Variants in IL12RB2 observed in about 807,000 individuals in gnomAD.
The protein encoded by IL12RB2 is interleukin-12 receptor subunit beta-2.
Under a neutral mutation model 89.4 loss-of-function variants are expected in IL12RB2, and 82 were observed. The observed-to-expected ratio is 0.92, with a 90% CI of 0.77 to 1.10. IL12RB2 has a LOEUF of 1.10. Ranked by LOEUF, IL12RB2 falls within the 50% of genes least tolerant of loss-of-function variation. The pLI, the probability that IL12RB2 is intolerant of heterozygous loss-of-function variation, is 0.00. For missense variants in IL12RB2, 963 were observed against 1,031.9 expected, an observed-to-expected ratio of 0.93 and a Z score of 0.92; for synonymous variants, 368 against 370.1, an observed-to-expected ratio of 0.99 and a Z score of 0.07.
At chr1:67,389,477 T>C (rs1665580060) in intron 15 of IL12RB2, among the ~76,000 whole-genome samples, 1 of 152,250 alleles carries the variant, frequency 6.6e-6, no homozygotes, top group Admixed American at 6.5e-5. Flanking sequence ...ATAAAAGACC[T>C]GTATTTCCTC....
chr1:67,380,886 G>A (rs1664498771), intron 14 of IL12RB2, among the ~76,000 whole-genome samples: 1 of 152,072 alleles, frequency 6.6e-6, no homozygotes, highest in Admixed American at 6.5e-5. Flanking sequence ...ATTGGATTAG[G>A]GGCCCACTCT....
upstream of IL12RB2, chr1:67,307,869 C>A (rs1489331124): frequency 6.6e-6 from 1 of 152,088 alleles, no homozygotes; most frequent in African/African-American, 2.4e-5. Context: ...GCCCGAGCGC[C>A]GGCAGAGAGC....
intron 1 of IL12RB2, among the ~76,000 whole-genome samples, chr1:67,308,618 C>G (rs1654602242): frequency 4.6e-5 from 7 of 152,160 alleles, no homozygotes; most frequent in Admixed American, 4.6e-4. Flanking sequence ...CTCCTCATCT[C>G]CCTAGGACAC....
chr1:67,376,642 C>T (rs1325404398), intron 13 of IL12RB2, among the ~76,000 whole-genome samples: 1 of 152,126 alleles, frequency 6.6e-6, no homozygotes, highest in East Asian at 1.9e-4. Context: ...CTGCTGACAC[C>T]ATCATCTTCC....
chr1:67,339,225 G>A (rs577152689), intron 9 of IL12RB2, among the ~76,000 whole-genome samples: 163 of 152,280 alleles, frequency 1.1e-3, no homozygotes, highest in African/African-American at 3.8e-3. Context: ...AGTGGCTCAC[G>A]CCTGTAATCC....
At chr1:67,380,823 C>A (rs1006008536) in intron 14 of IL12RB2, among the ~76,000 whole-genome samples, 3 of 152,306 alleles carry the variant, frequency 2.0e-5, no homozygotes, top group East Asian at 1.9e-4. Flanking sequence ...CTGCTTTCAT[C>A]TGGCATTCTC....
intron 6 of IL12RB2, among the ~76,000 whole-genome samples, chr1:67,329,284 T>C (rs987875657): frequency 5.3e-5 from 8 of 152,188 alleles, no homozygotes; most frequent in African/African-American, 1.2e-4. Flanking sequence ...GTTTGGCACA[T>C]TGGTTTTTGA....
chr1:67,373,822 C>T (rs1464436206), intron 13 of IL12RB2, among the ~76,000 whole-genome samples: 3 of 152,182 alleles, frequency 2.0e-5, no homozygotes, highest in Non-Finnish European at 4.4e-5. Flanking sequence ...AACAATGCAA[C>T]AAAGCCACCC....
At chr1:67,335,548 T>G (rs4655702) in intron 8 of IL12RB2, among the ~76,000 whole-genome samples, 102,209 of 152,094 alleles carry the variant, frequency 0.67, 35,833 homozygotes, top group Non-Finnish European at 0.77. Context: ...AGACAAAGTA[T>G]TTTCATCTGA....
At chr1:67,384,863 A>G (rs1664974109) in intron 14 of IL12RB2, among the ~76,000 whole-genome samples, 2 of 152,162 alleles carry the variant, frequency 1.3e-5, no homozygotes, top group South Asian at 4.1e-4. Flanking sequence ...TCTCAACTTC[A>G]TTGTCCACAT....
chr1:67,367,483 GGAAGCAAA>G (rs1003537319), intron 10 of IL12RB2, among the ~76,000 whole-genome samples: 2 of 138,470 alleles, frequency 1.4e-5, no homozygotes, highest in African/African-American at 2.7e-5. Flanking sequence ...AAGGAAGGAA[GGAAGCAAA>G]GAAGGAAGGA....
chr1:67,356,591 A>C (rs1409444001), intron 10 of IL12RB2, among the ~76,000 whole-genome samples: 1 of 152,190 alleles, frequency 6.6e-6, no homozygotes, highest in African/African-American at 2.4e-5. Context: ...TGGAGGTACA[A>C]GTATGCCTAA....
At chr1:67,324,114 CGAG>C (rs1218933260) in intron 4 of IL12RB2, among the ~76,000 whole-genome samples, 1 of 152,040 alleles carries the variant, frequency 6.6e-6, no homozygotes, top group Non-Finnish European at 1.5e-5. Flanking sequence ...GGCTCAGTCA[CGAG>C]TAGTGTGTGT....
chr1:67,333,718 C>G (rs1473757427), intron 8 of IL12RB2, among the ~76,000 whole-genome samples: 1 of 152,146 alleles, frequency 6.6e-6, no homozygotes, highest in Non-Finnish European at 1.5e-5. Context: ...GATAGTGACA[C>G]TGGGAAGAGA....
chr1:67,389,295 T>C (rs1252501839), intron 15 of IL12RB2, among the ~76,000 whole-genome samples: 3 of 151,254 alleles, frequency 2.0e-5, no homozygotes. Context: ...CATGGCCACA[T>C]CTCTTACTTC....
At chr1:67,326,683 G>A (rs1274503650) in intron 4 of IL12RB2, 52 bp from the exon 5 acceptor site, 13 of 1,597,198 alleles carry the variant, frequency 8.1e-6, no homozygotes, top group South Asian at 6.7e-5. Context: ...ATAACAATTC[G>A]GTTGAAATAT....
At chr1:67,333,623 G>A (rs1241774607) in intron 8 of IL12RB2, among the ~76,000 whole-genome samples, 15 of 152,166 alleles carry the variant, frequency 9.9e-5, no homozygotes, top group East Asian at 3.9e-4. Context: ...TTAAATGACC[G>A]AAAAGTAAGG....
intron 1 of IL12RB2, among the ~76,000 whole-genome samples, chr1:67,308,300 G>A (rs1331497962): frequency 2.0e-5 from 3 of 151,954 alleles, no homozygotes; most frequent in Non-Finnish European, 4.4e-5. Context: ...GGGCTCAAAC[G>A]GAAGGGAGGG....
chr1:67,326,764 T>C lies in IL12RB2; in HGVS notation c.394T>C (p.Cys132Arg). 1 of 1,613,734 alleles carries C rather than the reference T, an allele frequency of 6.2e-7. No homozygotes were observed. Among genetic ancestry groups the C allele is most frequent in the Non-Finnish European group, 8.5e-7 (1 of 1,179,774 alleles). Residue 132 changes from cysteine to arginine, a missense_variant, in exon 5 of 17, where the codon TGC (cysteine) becomes CGC (arginine). Cys to Arg is a radical substitution (Grantham distance 180, BLOSUM62 -3). Transcript: ENST00000674203. ...TCCAGAACAGCCTCAAAATTTATCC[T>C]GCATACAGAAGGGAGAACAGGGGAC... ...VAPEQPQNLS[C>R]IQKGEQGTVA...
Sources: allele counts gnomAD v4.1 joint callset (sites outside exome capture counted in the v4.1 genomes callset), GRCh38; gene constraint gnomAD v4.1.1; transcripts MANE v1.5; gene names NCBI Gene and HGNC (gene_info 2026-07-23, HGNC 2026-07-21).